Variants in ARHGAP42 observed in about 807,000 individuals in gnomAD.
ARHGAP42 encodes the protein Rho GTPase activating protein 42.
ARHGAP42 carries 63 observed loss-of-function variants against 125.0 expected under a neutral mutation model. The ratio of observed to expected loss-of-function variants is 0.50; its 90% CI spans 0.41 to 0.62. The LOEUF (loss-of-function observed/expected upper bound fraction) is 0.62. ARHGAP42 is among the 20% of genes least tolerant of loss of function. The pLI is 0.00. For missense variants in ARHGAP42, 766 were observed against 1,024.2 expected (o/e 0.75, Z 3.44); for synonymous variants, 339 against 351.0 (o/e 0.97, Z 0.38).
At chr11:100,882,120 G>A (rs1438687868) in intron 4 of ARHGAP42, among the ~76,000 whole-genome samples, 10 of 152,002 alleles carry the variant, frequency 6.6e-5, no homozygotes, top group Admixed American at 2.0e-4. Context: ...TAGGACTTCC[G>A]GCACTATGTT....
chr11:100,893,454 T>C (rs1220842151), intron 4 of ARHGAP42, among the ~76,000 whole-genome samples: 2 of 152,096 alleles, frequency 1.3e-5, no homozygotes, highest in Non-Finnish European at 2.9e-5. Context: ...AATTTTTCTT[T>C]GTATTTATTT....
At chr11:100,955,608 A>G (rs1857782495) in intron 12 of ARHGAP42, among the ~76,000 whole-genome samples, 1 of 152,130 alleles carries the variant, frequency 6.6e-6, no homozygotes, top group Non-Finnish European at 1.5e-5. Flanking sequence ...TGGGCCAAGC[A>G]TTGAGCCCAA....
intron 4 of ARHGAP42, among the ~76,000 whole-genome samples, chr11:100,910,227 T>C (rs1866871867): frequency 6.6e-6 from 1 of 152,154 alleles, no homozygotes; most frequent in South Asian, 2.1e-4. Context: ...TCTCTCTGTC[T>C]CTCCATCTTT....
intron 4 of ARHGAP42, among the ~76,000 whole-genome samples, chr11:100,903,709 A>AAAAAATAT (rs1332890022): frequency 5.7e-4 from 36 of 63,496 alleles, no homozygotes; most frequent in African/African-American, 2.0e-3. Flanking sequence ...TGTCCCTCAA[A>AAAAAATAT]ATATATATAT....
intron 2 of ARHGAP42, among the ~76,000 whole-genome samples, chr11:100,772,598 C>T (rs936756030): frequency 2.0e-5 from 3 of 152,150 alleles, no homozygotes; most frequent in Admixed American, 6.5e-5. Context: ...TTCCTCCTCA[C>T]AGCAGAGCTG....
At chr11:100,828,103 G>T (rs948062856) in intron 3 of ARHGAP42, among the ~76,000 whole-genome samples, 2 of 152,168 alleles carry the variant, frequency 1.3e-5, no homozygotes, top group African/African-American at 2.4e-5. Flanking sequence ...CATTCCAGGG[G>T]TCCTGCTGTT....
intron 4 of ARHGAP42, among the ~76,000 whole-genome samples, chr11:100,870,305 C>T (rs1203557502): frequency 6.6e-6 from 1 of 152,132 alleles, no homozygotes; most frequent in Non-Finnish European, 1.5e-5. Context: ...GAAACGTCTC[C>T]ATAGGACACA....
rs1294521250 is a variant in ARHGAP42 at position 100,751,294 on chromosome 11, T to G, written c.155-19049T>G. ...GTGTGTGTGTGTTTTTTTTTTTTTT[T>G]TTTTTGAAAGGGAGCCTTGCTCTGT... On this transcript the variant is annotated intron_variant, in intron 1 of 23. Transcript: ENST00000298815. 2.9e-5 allele frequency among the ~76,000 whole-genome samples: 4 copies of G among 140,286 alleles called. No individual in the cohort carries two copies. The East Asian group carries it at 6.4e-4, about 23-fold the overall frequency. 92.0% of individuals were successfully genotyped at this position (140,286 alleles called of 152,430 possible).
intron 3 of ARHGAP42, among the ~76,000 whole-genome samples, chr11:100,799,718 A>G (rs1030975744): frequency 6.6e-6 from 1 of 152,242 alleles, no homozygotes; most frequent in Non-Finnish European, 1.5e-5. Flanking sequence ...ATAATTCTAG[A>G]AAATATGACG....
intron 3 of ARHGAP42, among the ~76,000 whole-genome samples, chr11:100,802,992 C>T (rs542260418): frequency 4.4e-4 from 67 of 152,232 alleles, no homozygotes; most frequent in African/African-American, 1.5e-3. Flanking sequence ...GAAATACCTG[C>T]GCTCATGAAG....
chr11:100,882,869 A>C (rs954869953), intron 4 of ARHGAP42, among the ~76,000 whole-genome samples: 1 of 152,020 alleles, frequency 6.6e-6, no homozygotes, highest in Non-Finnish European at 1.5e-5. Flanking sequence ...CATCTCCTCT[A>C]GGTTTTCTAG....
At chr11:100,790,800 T>C (rs1368619259) in intron 2 of ARHGAP42, among the ~76,000 whole-genome samples, 1 of 152,246 alleles carries the variant, frequency 6.6e-6, no homozygotes, top group Non-Finnish European at 1.5e-5. Context: ...AATATTGTTA[T>C]GGTTAAAATC....
At chr11:100,765,401 G>A (rs1271794581) in intron 1 of ARHGAP42, among the ~76,000 whole-genome samples, 1 of 151,722 alleles carries the variant, frequency 6.6e-6, no homozygotes, top group Non-Finnish European at 1.5e-5. Context: ...CTGGCGCCCT[G>A]GGTTGGAATT....
intron 3 of ARHGAP42, among the ~76,000 whole-genome samples, chr11:100,852,763 AT>A (rs565765484): frequency 6.6e-6 from 1 of 152,110 alleles, no homozygotes; most frequent in Non-Finnish European, 1.5e-5. Context: ...TTACAGGAAT[AT>A]TTTTGGCCAT....
chr11:100,917,565 A>T (rs1209509658), intron 5 of ARHGAP42, among the ~76,000 whole-genome samples: 1 of 151,862 alleles, frequency 6.6e-6, no homozygotes, highest in African/African-American at 2.4e-5. Flanking sequence ...TATGATTATG[A>T]TTATGATTTA....
intron 2 of ARHGAP42, among the ~76,000 whole-genome samples, chr11:100,791,301 A>T (rs2135026388): frequency 6.6e-6 from 1 of 152,292 alleles, no homozygotes; most frequent in African/African-American, 2.4e-5. Context: ...GGAGATCCCC[A>T]TCAGCCTGTT....
chr11:100,925,459 C>T (rs549345517), intron 6 of ARHGAP42, among the ~76,000 whole-genome samples: 11 of 152,036 alleles, frequency 7.2e-5, no homozygotes, highest in African/African-American at 2.4e-4. Flanking sequence ...GTTTACTAGC[C>T]GGGCACAGTA....
chr11:100,928,460 G>A (rs1006881735), intron 6 of ARHGAP42, among the ~76,000 whole-genome samples: 5 of 151,830 alleles, frequency 3.3e-5, no homozygotes, highest in East Asian at 1.9e-4. Context: ...GGTGTCATGC[G>A]CCTGTAGTCT....
chr11:100,834,683 G>T (rs893703664), intron 3 of ARHGAP42, among the ~76,000 whole-genome samples: 5 of 151,990 alleles, frequency 3.3e-5, no homozygotes, highest in Non-Finnish European at 1.5e-5. Context: ...GCTTAAAGAA[G>T]TGGGCAGGAA....
Sources: gnomAD v4.1 joint callset for allele counts (sites outside exome capture counted in the v4.1 genomes callset) on GRCh38, gnomAD v4.1.1 for gene constraint, MANE v1.5 for transcripts, NCBI Gene and HGNC (gene_info 2026-07-23, HGNC 2026-07-21) for gene names.